The following DDX4 variants were observed in gnomAD, a reference collection of about 807,000 sequenced individuals.
DDX4 encodes the protein probable ATP-dependent RNA helicase DDX4.
Under a neutral mutation model 100.0 loss-of-function variants are expected in DDX4, and 25 were observed. The observed-to-expected ratio is 0.25, with a 90% confidence interval of 0.18 to 0.35. The LOEUF (loss-of-function observed/expected upper bound fraction) is 0.35. Among genes scored for constraint, DDX4 ranks in the 10% least tolerant of loss-of-function variants. The probability of loss-of-function intolerance (pLI) is 1.00; values close to 1 mark genes in which losing one functional copy is unlikely to be tolerated. For missense variants in DDX4, 635 were observed against 882.4 expected (o/e 0.72, Z 3.55); for synonymous variants, 259 against 275.7 (o/e 0.94, Z 0.60).
At chr5:55,778,144 A>T (rs1279587307) in intron 7 of DDX4, among the ~76,000 whole-genome samples, 1 of 152,100 alleles carries the variant, frequency 6.6e-6, no homozygotes, top group African/African-American at 2.4e-5. Context: ...CTCTTATTAA[A>T]ATAAAAGAAA....
intron 3 of DDX4, among the ~76,000 whole-genome samples, chr5:55,748,616 CT>C (rs1200785670): frequency 6.6e-6 from 1 of 151,602 alleles, no homozygotes; most frequent in Non-Finnish European, 1.5e-5. Flanking sequence ...ATAACAAGTA[CT>C]TTTTGTAGTT....
At chr5:55,801,765 T>G (rs77947250) in intron 18 of DDX4, among the ~76,000 whole-genome samples, 3,300 of 152,304 alleles carry the variant, frequency 0.022, 41 homozygotes, top group South Asian at 0.036. Context: ...TTAACTTTTG[T>G]CTGGAAGTTT....
rs564876780 is a variant in DDX4 at position 55,769,742 on chromosome 5, G to A, written c.394+1802G>A. Among the ~76,000 whole-genome samples the A allele has an allele frequency of 5.9e-5, 9 of 152,244 alleles. No homozygotes were observed. The South Asian group carries it at 6.2e-4, about 11-fold the overall frequency. ...AGCACAAAGAACAAAGCTGGAAAGC[G>A]TCACATTACCTGAGTTCAAACTATA... On this transcript the variant is annotated intron_variant, in intron 7 of 21. Coordinates refer to ENST00000505374, the MANE Select transcript of DDX4 (RefSeq NM_024415.3).
intron 3 of DDX4, among the ~76,000 whole-genome samples, chr5:55,755,928 TA>T (rs915400559): frequency 1.3e-5 from 2 of 152,154 alleles, no homozygotes; most frequent in African/African-American, 4.8e-5. Flanking sequence ...CAGAAGTGAC[TA>T]TTATCCTGAT....
chr5:55,809,963 C>T (rs1744019770), intron 18 of DDX4, among the ~76,000 whole-genome samples: 1 of 152,080 alleles, frequency 6.6e-6, no homozygotes, highest in Non-Finnish European at 1.5e-5. Context: ...CAGTGTTTCT[C>T]CTGAGGGTAA....
rs183801342 is a variant in DDX4, at chr5:55,808,771, G to C, written c.1616-4902G>C. On this transcript the variant is annotated intron_variant, in intron 18 of 21. Coordinates refer to ENST00000505374, the MANE Select transcript of DDX4 (RefSeq NM_024415.3). ...TAGGCTCCTTGGGGGTCAGGGACCC[G>C]CTTGAGGAGGCAGTCTGTCCCTTCT... 2.6e-5 allele frequency among the ~76,000 whole-genome samples: 4 copies of C among 152,332 alleles called. No homozygotes were observed. In the East Asian group the frequency reaches 7.7e-4, roughly 29 times the overall value.
intron 7 of DDX4, among the ~76,000 whole-genome samples, chr5:55,775,698 GT>G (rs1561495629): frequency 6.6e-6 from 1 of 150,654 alleles, no homozygotes; most frequent in Non-Finnish European, 1.5e-5. Context: ...TTATACAAAG[GT>G]TAGAGGATTT....
rs773257485 is a variant in DDX4, at chr5:55,738,986, C to T, written c.23C>T (p.Ala8Val). The T allele has an allele frequency of 5.6e-6, 9 of 1,606,394 alleles. No individual in the cohort carries two copies. The highest frequency in any genetic ancestry group is 7.7e-6 in the Non-Finnish European group (9 of 1,174,026). ...ACCATGGGAGATGAAGATTGGGAAG[C>T]AGAAATCAACCCTCATATGTCTTCC... MGDEDWE[A>V]EINPHMSSYV... Residue 8 changes from alanine to valine, a missense_variant, in exon 2 of 22, where the codon GCA (alanine) becomes GTA (valine). By Grantham distance (64) the Ala-to-Val change is moderately conservative. Coordinates refer to ENST00000505374, the MANE Select transcript of DDX4 (RefSeq NM_024415.3).
intron 2 of DDX4, among the ~76,000 whole-genome samples, chr5:55,743,508 C>T (rs1490877843): frequency 6.6e-6 from 1 of 152,180 alleles, no homozygotes; most frequent in African/African-American, 2.4e-5. Context: ...CGGCTCCCTT[C>T]AAGCTCCACC....
intron 17 of DDX4, among the ~76,000 whole-genome samples, chr5:55,793,062 GTGTTGT>G (rs144025196): frequency 7.3e-5 from 11 of 150,476 alleles, no homozygotes; most frequent in African/African-American, 2.4e-5. Context: ...GTGTTTGTGT[GTGTTGT>G]TGTTGTTGTT....
chr5:55,787,219 A>C (rs527899777), intron 14 of DDX4, among the ~76,000 whole-genome samples: 1 of 152,336 alleles, frequency 6.6e-6, no homozygotes, highest in African/African-American at 2.4e-5. Flanking sequence ...AGGTCATACC[A>C]TTTTAGTCTT....
intron 8 of DDX4, 23 bp from the exon 9 acceptor site, chr5:55,781,043 A>G (rs992056676): frequency 1.5e-5 from 23 of 1,585,800 alleles, no homozygotes; most frequent in Middle Eastern, 3.4e-4. Flanking sequence ...AATGTAATCT[A>G]ATTTTACTTT....
Position 55,790,640 on chromosome 5 carries a change from G to T in DDX4, c.1237G>T (p.Val413Leu). 1 of 1,605,808 alleles carries T rather than the reference G, an allele frequency of 6.2e-7. No individual in the cohort carries two copies. The highest frequency in any genetic ancestry group is 8.5e-7 in the Non-Finnish European group (1 of 1,172,488). ...GCTGGGACATTCAATTCGACAAATA[G>T]TACAAGGCTGTAATATATTATGTGC... ...TQLGHSIRQI[V>L]QGCNILCATP... The change falls in exon 16 of 22, where the codon GTA becomes TTA. Residue 413 changes from valine to leucine, a missense_variant. Transcript: ENST00000505374.
chr5:55,773,830 C>A (rs1045804614), intron 7 of DDX4, among the ~76,000 whole-genome samples: 3 of 151,904 alleles, frequency 2.0e-5, no homozygotes, highest in Non-Finnish European at 4.4e-5. Context: ...CACTACATTG[C>A]GCAGGCTGAT....
rs1742176064 is a variant in DDX4, at chr5:55,785,291, T to C, written c.626-6T>C. 2 of 1,584,330 alleles carry C rather than the reference T, an allele frequency of 1.3e-6. No individual in the cohort carries two copies. The highest frequency in any genetic ancestry group is 1.7e-6 in the Non-Finnish European group (2 of 1,154,306). ...ACCGATTGTCACTTATGAATTTCTTTAATAGGTGGTTACAAAGGTTTAAAT... is the reference window on the plus strand; with the variant it reads ...ACCGATTGTCACTTATGAATTTCTTCAATAGGTGGTTACAAAGGTTTAAAT... On this transcript the variant is annotated splice_polypyrimidine_tract_variant and splice_region_variant and intron_variant, in intron 10 of 21. Coordinates refer to ENST00000505374, the MANE Select transcript of DDX4 (RefSeq NM_024415.3).
At chr5:55,802,216 A>G (rs1743359136) in intron 18 of DDX4, among the ~76,000 whole-genome samples, 1 of 152,244 alleles carries the variant, frequency 6.6e-6, no homozygotes, top group African/African-American at 2.4e-5. Context: ...GGTAACTACC[A>G]TGAAAACTAA....
intron 7 of DDX4, among the ~76,000 whole-genome samples, chr5:55,778,140 TTAAAA>T (rs1046710448): frequency 9.2e-5 from 14 of 152,130 alleles, no homozygotes; most frequent in African/African-American, 2.2e-4. Context: ...TGTTCTCTTA[TTAAAA>T]TAAAAGAAAT....
intron 10 of DDX4, among the ~76,000 whole-genome samples, chr5:55,784,605 A>C (rs919563155): frequency 6.6e-6 from 1 of 152,216 alleles, no homozygotes; most frequent in African/African-American, 2.4e-5. Context: ...CATTGTGTGT[A>C]AACCATTTGT....
intron 3 of DDX4, among the ~76,000 whole-genome samples, chr5:55,748,731 A>T (rs1239477666): frequency 6.6e-6 from 1 of 151,864 alleles, no homozygotes; most frequent in East Asian, 1.9e-4. Flanking sequence ...TTATTGTTTT[A>T]AAAAAAAGGA....
Sources: gnomAD v4.1 joint callset for allele counts (sites outside exome capture counted in the v4.1 genomes callset) on GRCh38, gnomAD v4.1.1 for gene constraint, MANE v1.5 for transcripts, NCBI Gene and HGNC (gene_info 2026-07-23, HGNC 2026-07-21) for gene names.